Variants in THSD4 observed in about 807,000 individuals in gnomAD.
THSD4 encodes thrombospondin type-1 domain-containing protein 4.
A neutral mutation model predicts 119.0 loss-of-function variants in THSD4; 69 were observed. The ratio of observed to expected loss-of-function variants is 0.58; its 90% CI spans 0.48 to 0.71. THSD4 has a LOEUF of 0.71. Ranked by LOEUF, THSD4 falls within the 30% of genes least tolerant of loss-of-function variation. THSD4 has a pLI of 0.00. For synonymous variants in THSD4, 524 were observed against 540.4 expected (o/e 0.97, Z 0.42); for missense variants, 1,393 against 1,391.1 (o/e 1.00, Z -0.02).
At position 71,309,961 on chromosome 15, in the gene THSD4, G is replaced by C. The variant is rs114651717; in HGVS notation, c.1015+53246G>C. Among the ~76,000 whole-genome samples, 903 of 152,224 alleles carry C rather than the reference G, an allele frequency of 5.9e-3. 14 individuals carry two copies. The highest frequency in any genetic ancestry group is 0.021 in the African/African-American group (875 of 41,542). ...CGCAGATGGACACCCAGCATTGATG[G>C]CTCTCCACCTGTATAGCTTGTCTTC... On this transcript the variant is annotated intron_variant, in intron 6 of 17. Coordinates refer to ENST00000261862, the MANE Select transcript of THSD4 (RefSeq NM_024817.3).
At position 71,157,561 on chromosome 15, in the gene THSD4, CT is replaced by C. The variant is rs540465931; in HGVS notation, c.99+2630del. On this transcript the variant is annotated intron_variant, in intron 3 of 17. Transcript: ENST00000261862. ...AATAGAACACCAGAACTTATTCCCC[CT>C]ATCTATGGTAACTTTGTACCCATTG... Among the ~76,000 whole-genome samples, 39 of 152,186 alleles carry C rather than the reference CT, an allele frequency of 2.6e-4. No individual in the cohort carries two copies. In the South Asian group the frequency reaches 3.3e-3, roughly 13 times the overall value.
chr15:71,439,869 G>A (rs1396739136), intron 7 of THSD4, among the ~76,000 whole-genome samples: 4 of 152,156 alleles, frequency 2.6e-5, no homozygotes, highest in African/African-American at 4.8e-5. Context: ...GTTGGTGGGT[G>A]TGGGGGGCTA....
intron 7 of THSD4, among the ~76,000 whole-genome samples, chr15:71,534,385 G>A (rs986925527): frequency 1.3e-5 from 2 of 152,170 alleles, no homozygotes; most frequent in Non-Finnish European, 2.9e-5. Context: ...GTAGCAACGT[G>A]TTATTTGATT....
At chr15:71,640,374 C>A (rs368878572) in intron 7 of THSD4, among the ~76,000 whole-genome samples, 162 of 152,228 alleles carry the variant, frequency 1.1e-3, no homozygotes, top group African/African-American at 3.7e-3. Flanking sequence ...AGCCACTGCA[C>A]CTGGCCTAGG....
intron 3 of THSD4, among the ~76,000 whole-genome samples, chr15:71,209,134 GT>G (rs1280884976): frequency 1.3e-5 from 2 of 152,272 alleles, no homozygotes; most frequent in African/African-American, 4.8e-5. Flanking sequence ...TGATTCTTGG[GT>G]TGGACCTGTG....
At chr15:71,365,131 T>TTGTGTGTGTGTGTGTGGGTGTGTG (rs2045942149) in intron 6 of THSD4, among the ~76,000 whole-genome samples, 1 of 135,824 alleles carries the variant, frequency 7.4e-6, no homozygotes, top group Non-Finnish European at 1.6e-5. Context: ...GCCCCCCCCA[T>TTGTGTGTGTGTGTGTGGGTGTGTG]TGTGTGTGTG....
chr15:71,775,561 A>G (rs2053897478), intron 17 of THSD4, among the ~76,000 whole-genome samples: 1 of 152,010 alleles, frequency 6.6e-6, no homozygotes, highest in African/African-American at 2.4e-5. Context: ...TACGAAAAAA[A>G]TTAGCCAAGT....
intron 6 of THSD4, among the ~76,000 whole-genome samples, chr15:71,328,694 C>A (rs997815473): frequency 1.3e-5 from 2 of 152,140 alleles, no homozygotes; most frequent in Admixed American, 6.5e-5. Flanking sequence ...ATTAAATGTG[C>A]TGAATCAGAC....
At chr15:71,757,267 A>G (rs2245596) in intron 14 of THSD4, among the ~76,000 whole-genome samples, 149,628 of 152,070 alleles carry the variant, frequency 0.98, 73,634 homozygotes, top group Middle Eastern at 1. Flanking sequence ...CATAGCTGTG[A>G]CCTTCAGAGA....
chr15:71,605,095 C>T (rs1052427595), intron 7 of THSD4, among the ~76,000 whole-genome samples: 2 of 151,532 alleles, frequency 1.3e-5, no homozygotes, highest in Non-Finnish European at 2.9e-5. Flanking sequence ...GCAGAAAGAC[C>T]CAAGAAAGGT....
intron 6 of THSD4, among the ~76,000 whole-genome samples, chr15:71,281,284 A>G (rs2140313998): frequency 6.6e-6 from 1 of 152,356 alleles, no homozygotes; most frequent in East Asian, 1.9e-4. Context: ...TAATTAAAAC[A>G]TTGTGTTGTG....
chr15:71,275,857 T>G (rs2044583753), intron 6 of THSD4, among the ~76,000 whole-genome samples: 1 of 152,190 alleles, frequency 6.6e-6, no homozygotes, highest in Non-Finnish European at 1.5e-5. Flanking sequence ...AGGGCTGTGT[T>G]TGCTTCCCCT....
Position 71,097,439 on chromosome 15 carries a change from G to A in THSD4, c.-80+433G>A, listed in dbSNP as rs74559683. 3.4e-3 allele frequency among the ~76,000 whole-genome samples: 524 copies of A among 151,942 alleles called. 2 individuals carry two copies. Among genetic ancestry groups the A allele is most frequent in the African/African-American group, 0.012 (514 of 41,454 alleles). The stretch of plus-strand genomic sequence containing the variant: ...AATTAGCCAGACAGTGGTGGCGTAT[G>A]CCTGTGGTCCCAGCTACTCCGGAGG... On this transcript the variant is annotated intron_variant, in intron 1 of 17. Coordinates refer to the THSD4 transcript ENST00000355327.
intron 1 of THSD4, among the ~76,000 whole-genome samples, chr15:71,108,610 G>C (rs2040283898): frequency 6.6e-6 from 1 of 152,130 alleles, no homozygotes; most frequent in Non-Finnish European, 1.5e-5. Context: ...CCCACCAGAT[G>C]GGTTCCTATT....
intron 3 of THSD4, among the ~76,000 whole-genome samples, chr15:71,182,705 G>A (rs2043545377): frequency 6.6e-6 from 1 of 151,662 alleles, no homozygotes; most frequent in Admixed American, 6.6e-5. Flanking sequence ...TCATAGCACA[G>A]TCTTCTGGGC....
At chr15:71,471,332 G>C (rs1374136535) in intron 7 of THSD4, among the ~76,000 whole-genome samples, 8 of 152,180 alleles carry the variant, frequency 5.3e-5, no homozygotes, top group African/African-American at 1.9e-4. Flanking sequence ...ACAGGTGACA[G>C]AGTTTCCAGA....
At chr15:71,314,068 G>A (rs996953185) in intron 6 of THSD4, among the ~76,000 whole-genome samples, 3 of 152,184 alleles carry the variant, frequency 2.0e-5, no homozygotes, top group Non-Finnish European at 4.4e-5. Context: ...GCTTTTCTCA[G>A]TGGTTTGAGA....
At chr15:71,559,207 G>C (rs2049072341) in intron 7 of THSD4, among the ~76,000 whole-genome samples, 1 of 152,086 alleles carries the variant, frequency 6.6e-6, no homozygotes, top group Non-Finnish European at 1.5e-5. Flanking sequence ...GGAGGGGTGG[G>C]GCATGGCTGA....
At chr15:71,168,904 T>A (rs2141399857) in intron 3 of THSD4, among the ~76,000 whole-genome samples, 1 of 152,340 alleles carries the variant, frequency 6.6e-6, no homozygotes, top group East Asian at 1.9e-4. Context: ...TAATTTGATG[T>A]AGGCAAAGGT....
Sources: gnomAD v4.1 joint callset for allele counts (sites outside exome capture counted in the v4.1 genomes callset) on GRCh38, gnomAD v4.1.1 for gene constraint, MANE v1.5 for transcripts, NCBI Gene and HGNC (gene_info 2026-07-23, HGNC 2026-07-21) for gene names.